SPART: variants seen among roughly 807,000 people sequenced by gnomAD.
SPART encodes the protein spastic paraplegia 20 (Troyer syndrome).
SPART carries 35 observed loss-of-function variants against 58.7 expected under a neutral mutation model. The ratio of observed to expected loss-of-function variants is 0.60; its 90% CI spans 0.46 to 0.79. The LOEUF is 0.79. SPART is among the 30% of genes least tolerant of loss of function. The pLI is 0.00. For synonymous variants in SPART, 284 were observed against 280.7 expected (o/e 1.01, Z -0.12); for missense variants, 730 against 786.1 (o/e 0.93, Z 0.85).
At chr13:36,323,761 T>C (rs1313177550) in intron 5 of SPART, among the ~76,000 whole-genome samples, 4 of 152,180 alleles carry the variant, frequency 2.6e-5, no homozygotes, top group Admixed American at 2.0e-4. Flanking sequence ...AAGAGACATA[T>C]ACGCTGATAG....
intron 8 of SPART, among the ~76,000 whole-genome samples, chr13:36,306,858 CTTCT>C (rs1238195879): frequency 1.3e-5 from 2 of 152,182 alleles, no homozygotes; most frequent in Non-Finnish European, 2.9e-5. Context: ...TCAACTTTCT[CTTCT>C]TTATCTCAAA....
At chr13:36,331,165 C>T (rs1240066695) in intron 3 of SPART, among the ~76,000 whole-genome samples, 1 of 152,130 alleles carries the variant, frequency 6.6e-6, no homozygotes, top group African/African-American at 2.4e-5. Flanking sequence ...CTGAGCTAAA[C>T]GGTCATTAAG....
chr13:36,354,392 A>T (rs1305003164), intron 1 of SPART, among the ~76,000 whole-genome samples: 1 of 152,152 alleles, frequency 6.6e-6, no homozygotes, highest in Non-Finnish European at 1.5e-5. Context: ...TTCTGTTCTG[A>T]TAAGAATGGT....
In SPART at chr13:36,313,902, C is replaced by T; in HGVS notation, c.1483+325G>A. ...CTTTTTCAAAGATACACACATTCTC[C>T]TCTCCAACACATCAGAACAACCCTT... On this transcript the variant is annotated intron_variant, in intron 6 of 8. Transcript: ENST00000438666. The T allele has an allele frequency of 1.4e-5, 5 of 345,080 alleles. No individual in the cohort carries two copies. In the South Asian group the frequency reaches 1.6e-4, roughly 11 times the overall value. 21.4% of individuals were successfully genotyped at this position (345,080 alleles called of 1,614,324 possible).
chr13:36,337,888 A>G (rs1277840295), intron 1 of SPART, among the ~76,000 whole-genome samples: 1 of 152,230 alleles, frequency 6.6e-6, no homozygotes, highest in East Asian at 1.9e-4. Context: ...TTAACAAGAA[A>G]AAAAATCATA....
intron 1 of SPART, among the ~76,000 whole-genome samples, chr13:36,353,483 T>G (rs1051219128): frequency 6.6e-6 from 1 of 152,020 alleles, no homozygotes; most frequent in Non-Finnish European, 1.5e-5. Flanking sequence ...CTTATTGAAG[T>G]GAGGGAGAAC....
intron 8 of SPART, among the ~76,000 whole-genome samples, chr13:36,305,750 T>G: frequency 6.6e-6 from 1 of 152,068 alleles, no homozygotes; most frequent in East Asian, 1.9e-4. Context: ...CTTTACCCCA[T>G]TTTGGTAACA....
At chr13:36,344,521 G>A (rs1175517897) in intron 1 of SPART, among the ~76,000 whole-genome samples, 1 of 152,098 alleles carries the variant, frequency 6.6e-6, no homozygotes, top group Non-Finnish European at 1.5e-5. Flanking sequence ...TAAGTCTAAT[G>A]GTCAATTTCA....
rs200373703 is a variant in SPART, at chr13:36,314,341, G to T, written c.1369C>A (p.Arg457=). The T allele has an allele frequency of 3.7e-6, 6 of 1,613,826 alleles. No homozygotes were observed. Among genetic ancestry groups the T allele is most frequent in the South Asian group, 2.2e-5 (2 of 91,072 alleles). Residue 457 remains arginine (R), a synonymous_variant, in exon 6 of 9, where the codon CGA becomes AGA. Coordinates refer to ENST00000438666, the MANE Select transcript of SPART (RefSeq NM_015087.5). ...TTTTCTTCTGGTTGAATCCGCTCTC[G>T]GAGTTTAGAAGCACCTTTCTGGATT... ...KAIQKGASKL[R]ERIQPEEKPV... is the part of the protein sequence containing the mutation.
chr13:36,364,358 T>G (rs1885978249), intron 1 of SPART, among the ~76,000 whole-genome samples: 1 of 152,160 alleles, frequency 6.6e-6, no homozygotes, highest in Non-Finnish European at 1.5e-5. Flanking sequence ...TAATCTCCAT[T>G]TGAGGGATTA....
intron 1 of SPART, among the ~76,000 whole-genome samples, chr13:36,353,335 G>GGA (rs1885495877): frequency 6.6e-6 from 1 of 152,182 alleles, no homozygotes; most frequent in Admixed American, 6.5e-5. Context: ...AAGCCCCTGG[G>GGA]GAGACCCTTG....
At chr13:36,354,899 T>A (rs555680551) in intron 1 of SPART, among the ~76,000 whole-genome samples, 122 of 152,334 alleles carry the variant, frequency 8.0e-4, no homozygotes, top group African/African-American at 2.8e-3. Context: ...GGCATACTTT[T>A]AATAATAGCT....
chr13:36,338,839 G>A (rs1164542527), intron 1 of SPART, among the ~76,000 whole-genome samples: 1 of 152,058 alleles, frequency 6.6e-6, no homozygotes, highest in Non-Finnish European at 1.5e-5. Context: ...CAAGAAGAAA[G>A]ACACAAAGAA....
At chr13:36,325,989 C>G (rs1925835) in intron 5 of SPART, 36,585 of 152,478 alleles carry the variant, frequency 0.24, 4,851 homozygotes, top group East Asian at 0.51. Flanking sequence ...GGTGCTGGTA[C>G]ATTTGGTCTC....
Position 36,363,111 on chromosome 13 carries a change from CACT to C in SPART, c.-3+6975_-3+6977del, listed in dbSNP as rs373866014. On this transcript the variant is annotated intron_variant, in intron 1 of 8. Transcript: ENST00000355182. ...CCCCAAGGGACTGGTCCACAGACCA[CACT>C]TTGAGTGGCATGGAACGAAAGTATT... Among the ~76,000 whole-genome samples the C allele has an allele frequency of 4.6e-3, 695 of 152,298 alleles. 3 individuals carry two copies. The highest frequency in any genetic ancestry group is 0.014 in the Middle Eastern group (4 of 294).
At chr13:36,362,580 GTTTC>G (rs1183536742) in intron 1 of SPART, among the ~76,000 whole-genome samples, 1 of 152,030 alleles carries the variant, frequency 6.6e-6, no homozygotes, top group East Asian at 1.9e-4. Flanking sequence ...AGAATCCCTC[GTTTC>G]TTTCTCCCCT....
At chr13:36,343,870 G>A (rs1462539519) in intron 1 of SPART, among the ~76,000 whole-genome samples, 2 of 152,012 alleles carry the variant, frequency 1.3e-5, no homozygotes, top group Non-Finnish European at 2.9e-5. Context: ...TGGATCAGAA[G>A]ATTATCTGTC....
intron 8 of SPART, among the ~76,000 whole-genome samples, chr13:36,305,637 GATAATA>G (rs1006805869): frequency 6.6e-6 from 1 of 152,006 alleles, no homozygotes. Context: ...AGTTATTATT[GATAATA>G]ATAATATCTG....
At chr13:36,366,332 T>C (rs747281705) in intron 1 of SPART, among the ~76,000 whole-genome samples, 1 of 152,190 alleles carries the variant, frequency 6.6e-6, no homozygotes, top group Non-Finnish European at 1.5e-5. Flanking sequence ...CCTGTCTCTC[T>C]ATCAAAATTA....
Sources: gnomAD v4.1 joint callset for allele counts (sites outside exome capture counted in the v4.1 genomes callset) on GRCh38, gnomAD v4.1.1 for gene constraint, MANE v1.5 for transcripts, NCBI Gene and HGNC (gene_info 2026-07-23, HGNC 2026-07-21) for gene names.